ABCB4: variants seen among roughly 807,000 people sequenced by gnomAD.
The protein encoded by ABCB4 is phosphatidylcholine translocator ABCB4.
Under a neutral mutation model 145.7 loss-of-function variants are expected in ABCB4, and 76 were observed. The ratio of observed to expected loss-of-function variants is 0.52; its 90% CI spans 0.43 to 0.63. The LOEUF (loss-of-function observed/expected upper bound fraction) is 0.63, where lower values mean the gene tolerates loss of function less well. ABCB4 is among the 30% of genes least tolerant of loss of function. The pLI, the probability that ABCB4 is intolerant of heterozygous loss-of-function variation, is 0.00. For synonymous variants in ABCB4, 517 were observed against 566.8 expected, an observed-to-expected ratio of 0.91 and a Z score of 1.25; for missense variants, 1,234 against 1,553.1, an observed-to-expected ratio of 0.79 and a Z score of 3.45.
chr7:87,389,263 C>G, the ABCB4 span, among the ~76,000 whole-genome samples: 1,260 of 152,182 alleles, frequency 8.3e-3, 5 homozygotes, highest in Non-Finnish European at 0.013. Flanking sequence ...TCCAGCGATC[C>G]CATTGCTAGA....
the ABCB4 span, chr7:87,382,416 T>C: frequency 6.2e-7 from 1 of 1,610,698 alleles, no homozygotes; most frequent in Non-Finnish European, 8.5e-7. Flanking sequence ...TTGTTAGGCA[T>C]CTGATCTACA....
At chr7:87,371,533 G>A in the ABCB4 span, among the ~76,000 whole-genome samples, 3 of 152,044 alleles carry the variant, frequency 2.0e-5, no homozygotes, top group Admixed American at 6.6e-5. Context: ...AATATCTATG[G>A]TTTGATATTA....
chr7:87,387,781 A>G, the ABCB4 span, among the ~76,000 whole-genome samples: 1 of 152,084 alleles, frequency 6.6e-6, no homozygotes, highest in Non-Finnish European at 1.5e-5. Flanking sequence ...GTAAAACCCC[A>G]TCTCTATGGA....
intron 3 of ABCB4, among the ~76,000 whole-genome samples, chr7:87,471,757 C>T (rs1813421992): frequency 6.6e-6 from 1 of 152,124 alleles, no homozygotes; most frequent in Non-Finnish European, 1.5e-5. Flanking sequence ...AAATGAAAAC[C>T]AGATGAGGAG....
At chr7:87,403,407 G>A in intron 26 of ABCB4, 126 bp from the exon 27 acceptor site, 1 of 883,820 alleles carries the variant, frequency 1.1e-6, no homozygotes. Context: ...TTAACAGAGT[G>A]TTTATTTTCA....
At chr7:87,398,518 T>G (rs1201226134), downstream of ABCB4, 3 of 1,613,416 alleles carry the variant, frequency 1.9e-6, no homozygotes, top group Admixed American at 1.7e-5. Context: ...TATTTATGCT[T>G]CACAGGTTTG....
chr7:87,392,807 C>T, the ABCB4 span: 1 of 1,613,400 alleles, frequency 6.2e-7, no homozygotes, highest in Non-Finnish European at 8.5e-7. Flanking sequence ...CTTTACGGAC[C>T]CACTTTTTTC....
intron 8 of ABCB4, among the ~76,000 whole-genome samples, chr7:87,448,036 A>G (rs1009610739): frequency 8.5e-5 from 13 of 152,206 alleles, no homozygotes; most frequent in African/African-American, 2.9e-4. Flanking sequence ...ATATCTTTGA[A>G]TCATAATTCA....
chr7:87,389,641 AG>A, the ABCB4 span, among the ~76,000 whole-genome samples: 1 of 152,038 alleles, frequency 6.6e-6, no homozygotes, highest in Non-Finnish European at 1.5e-5. Flanking sequence ...GGGCTAGGGG[AG>A]GGATAGCATT....
At chr7:87,425,900 A>C (rs1415972529) in intron 16 of ABCB4, among the ~76,000 whole-genome samples, 1 of 152,080 alleles carries the variant, frequency 6.6e-6, no homozygotes, top group Non-Finnish European at 1.5e-5. Context: ...AAAATAAATA[A>C]ATAAATAAAA....
intron 4 of ABCB4, among the ~76,000 whole-genome samples, chr7:87,455,475 G>C (rs1812046504): frequency 6.6e-6 from 1 of 152,138 alleles, no homozygotes; most frequent in Non-Finnish European, 1.5e-5. Context: ...ATAGGAAATG[G>C]AGGCACAGAT....
At chr7:87,426,623 C>T in intron 16 of ABCB4, 127 bp downstream of exon 16, 2 of 919,022 alleles carry the variant, frequency 2.2e-6, no homozygotes, top group Non-Finnish European at 3.3e-6. Flanking sequence ...AAATTTTTTT[C>T]TTTACAAAGA....
chr7:87,440,402 T>G lies in ABCB4; in HGVS notation c.1357A>C (p.Ile453Leu). ...QRLYDPDEGTINIDGQDIRNF... is the reference protein window; with the variant it reads ...QRLYDPDEGTLNIDGQDIRNF... ...CTAATATCCTGCCCATCAATGTTAA[T>G]CTGAAAGAAAGAAATATTTCCTATT... The change falls in exon 13 of 28, where the codon ATT (isoleucine) becomes CTT (leucine). Residue 453 changes from isoleucine to leucine, a missense_variant and splice_region_variant. Transcript: ENST00000649586. 6.2e-7 allele frequency: 1 copy of G among 1,613,174 alleles called. No homozygotes were observed.
chr7:87,461,610 T>C (rs45581642), intron 4 of ABCB4, among the ~76,000 whole-genome samples: 3,616 of 152,258 alleles, frequency 0.024, 141 homozygotes, highest in African/African-American at 0.083. Context: ...AAAATCACCA[T>C]TATTGTTATT....
chr7:87,426,655 A>C, intron 16 of ABCB4, 95 bp downstream of exon 16: 1 of 1,290,540 alleles, frequency 7.7e-7, no homozygotes, highest in Non-Finnish European at 1.1e-6. Context: ...AGTAGCAGTC[A>C]TCTGTGCCTG....
intron 2 of ABCB4, among the ~76,000 whole-genome samples, chr7:87,473,050 T>C (rs757789180): frequency 6.6e-6 from 1 of 152,202 alleles, no homozygotes; most frequent in African/African-American, 2.4e-5. Flanking sequence ...TGTCAGGCAA[T>C]CTTGTTGGTG....
intron 17 of ABCB4, 176 bp downstream of exon 17, chr7:87,423,730 T>A (rs1301819811): frequency 1.1e-5 from 8 of 709,482 alleles, no homozygotes; most frequent in Non-Finnish European, 1.9e-5. Context: ...CTTAGAGTGA[T>A]TCAAAGGCTA....
chr7:87,390,927 G>T, the ABCB4 span, among the ~76,000 whole-genome samples: 3 of 152,154 alleles, frequency 2.0e-5, no homozygotes, highest in Admixed American at 2.0e-4. Flanking sequence ...AATTTTGTGG[G>T]TCATTTTTTG....
chr7:87,401,365 C>A (rs113871993), downstream of ABCB4, among the ~76,000 whole-genome samples: 9 of 152,258 alleles, frequency 5.9e-5, 1 homozygote, highest in African/African-American at 1.9e-4. Context: ...TCTAAACATA[C>A]CTTTCATTGT....
Sources: gnomAD v4.1 joint callset for allele counts (sites outside exome capture counted in the v4.1 genomes callset) on GRCh38, gnomAD v4.1.1 for gene constraint, MANE v1.5 for transcripts, NCBI Gene and HGNC (gene_info 2026-07-23, HGNC 2026-07-21) for gene names.